The following SPAG16 variants were observed in gnomAD, a reference collection of about 807,000 sequenced individuals.
SPAG16 encodes sperm-associated antigen 16 protein.
A neutral mutation model predicts 80.4 loss-of-function variants in SPAG16; 86 were observed. The observed-to-expected ratio is 1.07, with a 90% CI of 0.90 to 1.28. The LOEUF (loss-of-function observed/expected upper bound fraction) is 1.28. Ranked by LOEUF, SPAG16 falls within the 50% of genes most tolerant of loss-of-function variation. SPAG16 has a pLI of 0.00. For synonymous variants in SPAG16, 294 were observed against 265.9 expected (o/e 1.11, Z -1.03); for missense variants, 870 against 765.3 (o/e 1.14, Z -1.61).
intron 11 of SPAG16, among the ~76,000 whole-genome samples, chr2:213,920,205 C>T (rs1327964647): frequency 2.6e-5 from 4 of 152,172 alleles, no homozygotes; most frequent in African/African-American, 7.2e-5. Context: ...CTCTTGAAGA[C>T]AGCATACCAA....
At chr2:213,430,737 G>C (rs1379751042) in intron 9 of SPAG16, among the ~76,000 whole-genome samples, 1 of 152,090 alleles carries the variant, frequency 6.6e-6, no homozygotes, top group East Asian at 1.9e-4. Context: ...ACAAACACCA[G>C]AAAATATGCA....
intron 10 of SPAG16, among the ~76,000 whole-genome samples, chr2:213,523,849 C>G (rs1466182010): frequency 6.6e-6 from 1 of 152,132 alleles, no homozygotes; most frequent in African/African-American, 2.4e-5. Context: ...GAAGAAATTT[C>G]AAAGTGGCAA....
At chr2:214,224,683 T>C (rs1308907023) in intron 15 of SPAG16, among the ~76,000 whole-genome samples, 1 of 152,208 alleles carries the variant, frequency 6.6e-6, no homozygotes, top group Non-Finnish European at 1.5e-5. Flanking sequence ...AGGTTTCTTT[T>C]ATAATCCTGG....
Position 214,410,318 on chromosome 2 carries a change from G to T in SPAG16, c.*3G>T. On this transcript the variant is annotated 3_prime_UTR_variant, in exon 16 of 16. Transcript: ENST00000331683. Reference sequence around the variant, plus strand: ...GCACAGTTCGAACGTGGTCTTGACCGTCAGCACATCCCGCTGCAGAGGGCA... The same window carrying T: ...GCACAGTTCGAACGTGGTCTTGACCTTCAGCACATCCCGCTGCAGAGGGCA... 1 of 1,588,616 alleles carries T rather than the reference G, an allele frequency of 6.3e-7. No individual in the cohort carries two copies.
At chr2:213,997,159 A>G (rs2046561493) in intron 12 of SPAG16, among the ~76,000 whole-genome samples, 1 of 152,182 alleles carries the variant, frequency 6.6e-6, no homozygotes, top group Non-Finnish European at 1.5e-5. Context: ...ATAGCTTCAC[A>G]TAACCCACAC....
rs1289402238 is a variant in SPAG16 at position 214,309,594 on chromosome 2, C to T, written c.1721-100546C>T. Among the ~76,000 whole-genome samples, 3 of 151,996 alleles carry T rather than the reference C, an allele frequency of 2.0e-5. No individual in the cohort carries two copies. In the East Asian group the frequency reaches 5.8e-4, roughly 29 times the overall value. ...TTTTTCTTTTATCCTATTTGATGAC[C>T]ATGAGGGTTTGATTGTGTTATAAGG... On this transcript the variant is annotated intron_variant, in intron 15 of 15. Coordinates refer to ENST00000331683, the MANE Select transcript of SPAG16 (RefSeq NM_024532.5).
chr2:213,684,935 A>T (rs2064589008), intron 10 of SPAG16, among the ~76,000 whole-genome samples: 1 of 152,208 alleles, frequency 6.6e-6, no homozygotes, highest in Non-Finnish European at 1.5e-5. Flanking sequence ...GCTATGAAGG[A>T]GTGGTTTCCA....
chr2:214,048,655 G>A (rs201891057), intron 13 of SPAG16, among the ~76,000 whole-genome samples: 1 of 152,044 alleles, frequency 6.6e-6, no homozygotes, highest in Non-Finnish European at 1.5e-5. Context: ...ACACAACAGG[G>A]TGACTATAAT....
intron 12 of SPAG16, among the ~76,000 whole-genome samples, chr2:213,944,296 A>T (rs2079345988): frequency 3.9e-5 from 6 of 152,248 alleles, no homozygotes; most frequent in Admixed American, 3.9e-4. Flanking sequence ...CACTGGATCC[A>T]GAGGCAGAGC....
intron 5 of SPAG16, among the ~76,000 whole-genome samples, chr2:213,338,590 T>A (rs763950057): frequency 1.7e-4 from 26 of 152,166 alleles, no homozygotes; most frequent in Non-Finnish European, 3.5e-4. Context: ...CTATTTACGA[T>A]CACAAAGACA....
chr2:213,575,056 C>T (rs2060076179), intron 10 of SPAG16, among the ~76,000 whole-genome samples: 2 of 152,030 alleles, frequency 1.3e-5, no homozygotes, highest in South Asian at 4.1e-4. Flanking sequence ...AAAGCTTTTT[C>T]TTGCTTCTCC....
chr2:214,274,680 G>T (rs1692311261), intron 15 of SPAG16, among the ~76,000 whole-genome samples: 1 of 152,134 alleles, frequency 6.6e-6, no homozygotes, highest in Non-Finnish European at 1.5e-5. Flanking sequence ...TTTTTGTTGT[G>T]CTGCTGGATT....
chr2:214,153,064 A>AG (rs1289983911), intron 15 of SPAG16, among the ~76,000 whole-genome samples: 1 of 152,082 alleles, frequency 6.6e-6, no homozygotes, highest in Non-Finnish European at 1.5e-5. Flanking sequence ...CAAGAGGTGG[A>AG]GGAGCAGTCT....
At chr2:214,052,610 T>C (rs1369182816) in intron 13 of SPAG16, among the ~76,000 whole-genome samples, 1 of 152,202 alleles carries the variant, frequency 6.6e-6, no homozygotes, top group Non-Finnish European at 1.5e-5. Flanking sequence ...TTATATCGTA[T>C]ATTATAAGAA....
At chr2:213,438,885 AAGGTAAAC>A (rs1313576929) in intron 9 of SPAG16, among the ~76,000 whole-genome samples, 1 of 152,246 alleles carries the variant, frequency 6.6e-6, no homozygotes, top group African/African-American at 2.4e-5. Flanking sequence ...GGCCTGTAAG[AAGGTAAAC>A]ATTTATATTG....
chr2:213,585,281 A>ATTT (rs71063761), intron 10 of SPAG16, among the ~76,000 whole-genome samples: 4 of 144,754 alleles, frequency 2.8e-5, no homozygotes, highest in Non-Finnish European at 3.0e-5. Flanking sequence ...ATGATGAAAG[A>ATTT]TTTTTTTTTT....
intron 10 of SPAG16, among the ~76,000 whole-genome samples, chr2:213,703,374 T>C (rs1449903985): frequency 6.6e-6 from 1 of 152,218 alleles, no homozygotes; most frequent in Non-Finnish European, 1.5e-5. Flanking sequence ...CAAAATACTC[T>C]TGTTGATTCT....
In SPAG16 at chr2:213,327,163, G is replaced by GT. The variant is rs5838379; in HGVS notation, c.536+9820dup. 1.8e-4 allele frequency among the ~76,000 whole-genome samples: 26 copies of GT among 147,198 alleles called. 1 individual carries two copies. The highest frequency in any genetic ancestry group is 5.4e-4 in the African/African-American group (22 of 40,680). On this transcript the variant is annotated intron_variant, in intron 5 of 15. Transcript: ENST00000331683. Reference sequence around the variant, plus strand: ...ACTTGAAACAATGTCTGTTTGCTGTGTTTTTTTTTTTTTAACACAAAGATG... The same window carrying GT: ...ACTTGAAACAATGTCTGTTTGCTGTGTTTTTTTTTTTTTTAACACAAAGATG...
chr2:214,026,517 T>C lies in SPAG16; in HGVS notation c.1527+12440T>C, dbSNP rs1324396813. Among the ~76,000 whole-genome samples, 4 of 151,730 alleles carry C rather than the reference T, an allele frequency of 2.6e-5. No homozygotes were observed. The South Asian group carries it at 6.2e-4, about 24-fold the overall frequency. ...AAGTATGGACACACGTATAAGGATA[T>C]GCCAGGTTCTTTCATTGAAAGAGAC... On this transcript the variant is annotated intron_variant, in intron 13 of 15. Transcript: ENST00000331683.
Sources: allele counts gnomAD v4.1 joint callset (sites outside exome capture counted in the v4.1 genomes callset), GRCh38; gene constraint gnomAD v4.1.1; transcripts MANE v1.5; gene names NCBI Gene and HGNC (gene_info 2026-07-23, HGNC 2026-07-21).